The following DOP1B variants were observed in gnomAD, a reference collection of about 807,000 sequenced individuals.
DOP1B encodes DOP1 leucine zipper like protein B, also known as protein DOP1B.
A neutral mutation model predicts 233.5 loss-of-function variants in DOP1B; 174 were observed. The ratio of observed to expected loss-of-function variants is 0.75; its 90% CI spans 0.66 to 0.85. The LOEUF is 0.85. Ranked by LOEUF, DOP1B falls within the 40% of genes least tolerant of loss-of-function variation. The probability of loss-of-function intolerance (pLI) is 0.00; values close to 1 mark genes in which losing one functional copy is unlikely to be tolerated. For synonymous variants in DOP1B, 1,190 were observed against 1,185.6 expected (o/e 1.00, Z -0.08); for missense variants, 2,652 against 2,846.6 (o/e 0.93, Z 1.56).
chr21:36,199,329 A>T (rs1365993242), intron 3 of DOP1B, 78 bp downstream of exon 3: 1 of 1,530,478 alleles, frequency 6.5e-7, no homozygotes, highest in Non-Finnish European at 8.8e-7. Flanking sequence ...AGAAAATGAC[A>T]AACAGGCAAA....
At position 36,211,671 on chromosome 21, in the gene DOP1B, C is replaced by G. The variant is rs781529270; in HGVS notation, c.780+20C>G. The G allele has an allele frequency of 1.2e-6, 2 of 1,610,108 alleles. No individual in the cohort carries two copies. Among genetic ancestry groups the G allele is most frequent in the Admixed American group, 3.3e-5 (2 of 60,008 alleles). On this transcript the variant is annotated intron_variant, in intron 6 of 36. Coordinates refer to ENST00000691173, the MANE Select transcript of DOP1B (RefSeq NM_001320714.2). ...TGTCTGGTAAGTAATTTGTACTCTT[C>G]TGGTAAGTCACTGGTGTTTCCCAAG...
At chr21:36,213,952 T>C (rs1184254639) in intron 7 of DOP1B, 129 bp from the exon 8 acceptor site, 2 of 719,488 alleles carry the variant, frequency 2.8e-6, no homozygotes, top group African/African-American at 3.6e-5. Context: ...GTGGTCTTTC[T>C]GGATCTGATT....
intron 2 of DOP1B, among the ~76,000 whole-genome samples, chr21:36,198,443 G>GA (rs551457044): frequency 0.017 from 2,580 of 149,174 alleles, 27 homozygotes; most frequent in Middle Eastern, 0.038. Flanking sequence ...AAAAAAAAAA[G>GA]AAAAAAAAAG....
In DOP1B at chr21:36,176,097, C is replaced by CGCGTGTGTGTGTGTGTGTGT. The variant is rs1555886145; in HGVS notation, c.138+11227_138+11228insCGTGTGTGTGTGTGTGTGTG. On this transcript the variant is annotated intron_variant, in intron 2 of 36. Coordinates refer to ENST00000691173, the MANE Select transcript of DOP1B (RefSeq NM_001320714.2). ...GAGCTTCGACTTTGGGGTGTGTGTG[C>CGCGTGTGTGTGTGTGTGTGT]GTGTGTGTGTGTGTGTGTGTGTGTG... Among the ~76,000 whole-genome samples, 6 of 141,848 alleles carry CGCGTGTGTGTGTGTGTGTGT rather than the reference C, an allele frequency of 4.2e-5. No individual in the cohort carries two copies. The South Asian group carries it at 9.1e-4, about 21-fold the overall frequency. The allele number at this position is 141,848 out of a possible 152,430, so 93.1% of individuals were successfully genotyped here. A position where few individuals can be genotyped will look rare whatever the true frequency, so the allele number is the denominator to read the frequency against.
intron 4 of DOP1B, among the ~76,000 whole-genome samples, chr21:36,201,417 G>T (rs1334267841): frequency 7.1e-6 from 1 of 141,470 alleles, no homozygotes; most frequent in African/African-American, 2.7e-5. Flanking sequence ...GTGCGATCTC[G>T]GCTCACTACA....
At chr21:36,173,284 C>G (rs930116175) in intron 2 of DOP1B, among the ~76,000 whole-genome samples, 7 of 152,112 alleles carry the variant, frequency 4.6e-5, no homozygotes, top group Admixed American at 6.5e-5. Flanking sequence ...TCCAGTCAAC[C>G]CTTTTTTCAA....
At chr21:36,190,761 C>G (rs1015750226) in intron 2 of DOP1B, among the ~76,000 whole-genome samples, 1 of 152,174 alleles carries the variant, frequency 6.6e-6, no homozygotes, top group African/African-American at 2.4e-5. Flanking sequence ...TCATATGATA[C>G]GTATATTAAG....
At chr21:36,226,746 A>G (rs943693594) in intron 12 of DOP1B, among the ~76,000 whole-genome samples, 1 of 152,114 alleles carries the variant, frequency 6.6e-6, no homozygotes, top group Admixed American at 6.5e-5. Context: ...GGCATGTGCC[A>G]CCACATCTGG....
At chr21:36,240,341 G>A (rs1276444963) in intron 18 of DOP1B, among the ~76,000 whole-genome samples, 5 of 152,052 alleles carry the variant, frequency 3.3e-5, no homozygotes, top group Non-Finnish European at 5.9e-5. Flanking sequence ...TTAGCCGGGC[G>A]TGGTGGTACA....
chr21:36,276,152 A>T (rs1205841696), intron 27 of DOP1B, among the ~76,000 whole-genome samples: 6 of 152,118 alleles, frequency 3.9e-5, no homozygotes, highest in Admixed American at 3.9e-4. Flanking sequence ...CAGTTTCAAG[A>T]ACGATGATGA....
chr21:36,204,733 C>A (rs1219058315), intron 4 of DOP1B, among the ~76,000 whole-genome samples: 1 of 147,176 alleles, frequency 6.8e-6, no homozygotes, highest in Non-Finnish European at 1.5e-5. Flanking sequence ...TGGCTCACTG[C>A]AACCTCCACC....
intron 21 of DOP1B, among the ~76,000 whole-genome samples, chr21:36,249,563 G>A (rs561085920): frequency 6.6e-6 from 1 of 152,340 alleles, no homozygotes; most frequent in African/African-American, 2.4e-5. Flanking sequence ...AGCGGTGCCT[G>A]TCAAACATGG....
intron 27 of DOP1B, among the ~76,000 whole-genome samples, chr21:36,274,130 A>G (rs1163291765): frequency 6.6e-6 from 1 of 151,660 alleles, no homozygotes; most frequent in Non-Finnish European, 1.5e-5. Flanking sequence ...TGCCACAGGT[A>G]GCCTTAAAGT....
At position 36,246,379 on chromosome 21, in the gene DOP1B, G is replaced by A. The variant is rs752208901; in HGVS notation, c.4399G>A (p.Asp1467Asn). Residue 1467 changes from aspartate (D) to asparagine (N), a missense_variant, in exon 19 of 37, where the codon GAC becomes AAC. Physicochemically the swap from Asp to Asn is conservative, Grantham distance 23. This residue lies in a region of DOP1B where 2,617 missense variants were observed against 2,794.3 expected (regional missense o/e 0.94). Transcript: ENST00000691173. This position sits in a 1 kb window ranked among gnomAD's most constrained non-coding sequence, Gnocchi z 5.1. Reference sequence around the variant, plus strand: ...CCATGAGGAGGCGGAAAACCAGCCCGACCTGTCCCGGGAGTGGCAGAGAGC... The same window carrying A: ...CCATGAGGAGGCGGAAAACCAGCCCAACCTGTCCCGGGAGTGGCAGAGAGC... Reference protein sequence around the residue: ...RAHEEAENQPDLSREWQRALN... With the variant: ...RAHEEAENQPNLSREWQRALN... 1.1e-5 allele frequency: 18 copies of A among 1,613,268 alleles called. No homozygotes were observed. The highest frequency in any genetic ancestry group is 1.6e-4 in the Middle Eastern group (1 of 6,082).
chr21:36,166,980 C>G (rs1266428204), intron 2 of DOP1B, among the ~76,000 whole-genome samples: 1 of 152,104 alleles, frequency 6.6e-6, no homozygotes, highest in South Asian at 2.1e-4. Flanking sequence ...CTTGCAAATT[C>G]TTTGGTTTTA....
chr21:36,208,113 A>G (rs927904339), intron 4 of DOP1B, among the ~76,000 whole-genome samples: 5 of 152,248 alleles, frequency 3.3e-5, no homozygotes, highest in Admixed American at 3.3e-4. Flanking sequence ...GAGTCAGCAC[A>G]TGCAGGTGCT....
At chr21:36,166,154 C>A (rs1463667314) in intron 2 of DOP1B, among the ~76,000 whole-genome samples, 1 of 151,930 alleles carries the variant, frequency 6.6e-6, no homozygotes, top group Non-Finnish European at 1.5e-5. Flanking sequence ...TTCCACGTGG[C>A]CAGACGTGGT....
chr21:36,277,929 G>A (rs375360333), intron 28 of DOP1B, 46 bp from the exon 29 acceptor site: 5 of 1,513,168 alleles, frequency 3.3e-6, no homozygotes, highest in African/African-American at 2.7e-5. Context: ...GGTGTGAGCC[G>A]TCGCACCTGG....
intron 1 of DOP1B, among the ~76,000 whole-genome samples, chr21:36,163,751 T>C (rs2065887270): frequency 6.6e-6 from 1 of 152,240 alleles, no homozygotes; most frequent in South Asian, 2.1e-4. Flanking sequence ...TTAGCTGTTA[T>C]GTGCAGAAAA....
Sources: gnomAD v4.1 joint callset for allele counts (sites outside exome capture counted in the v4.1 genomes callset) on GRCh38, gnomAD v4.1.1 for gene constraint, gnomAD v4.1.1 regional missense constraint, Gnocchi (gnomAD v3.1) non-coding constraint, MANE v1.5 for transcripts, NCBI Gene and HGNC (gene_info 2026-07-23, HGNC 2026-07-21) for gene names.